The following PDE1C variants were observed in gnomAD, a reference collection of about 807,000 sequenced individuals.
The protein encoded by PDE1C is phosphodiesterase 1C.
In PDE1C, 62 loss-of-function variants were observed where a neutral mutation model predicts 93.1. The observed-to-expected ratio is 0.67, with a 90% CI of 0.54 to 0.82. The LOEUF (loss-of-function observed/expected upper bound fraction) is 0.82, where lower values mean the gene tolerates loss of function less well. Ranked by LOEUF, PDE1C falls within the 40% of genes least tolerant of loss-of-function variation. PDE1C has a pLI of 0.00. For missense variants in PDE1C, 742 were observed against 884.6 expected (o/e 0.84, Z 2.04); for synonymous variants, 325 against 310.1 (o/e 1.05, Z -0.50).
chr7:32,142,100 G>T (rs1213539871), intron 3 of PDE1C, among the ~76,000 whole-genome samples: 1 of 151,824 alleles, frequency 6.6e-6, no homozygotes, highest in Non-Finnish European at 1.5e-5. Flanking sequence ...AAGACAAAGA[G>T]AATAGGACAA....
chr7:31,644,734 T>A, the PDE1C span, among the ~76,000 whole-genome samples: 1 of 152,204 alleles, frequency 6.6e-6, no homozygotes, highest in South Asian at 2.1e-4. Flanking sequence ...AGAAATGATC[T>A]AGGCTTTCAG....
the PDE1C span, among the ~76,000 whole-genome samples, chr7:31,728,425 G>A: frequency 3.3e-5 from 5 of 152,082 alleles, no homozygotes; most frequent in African/African-American, 4.8e-5. Flanking sequence ...AGTCATTCCC[G>A]GCCAACCAAA....
chr7:31,998,055 T>C (rs1784962952), intron 2 of PDE1C, among the ~76,000 whole-genome samples: 1 of 152,054 alleles, frequency 6.6e-6, no homozygotes, highest in Non-Finnish European at 1.5e-5. Flanking sequence ...AGTCTCACTC[T>C]GTTGCCCAGG....
the PDE1C span, among the ~76,000 whole-genome samples, chr7:31,617,596 C>T: frequency 6.6e-6 from 1 of 152,024 alleles, no homozygotes; most frequent in Non-Finnish European, 1.5e-5. Context: ...CCATTAACAG[C>T]AGCTCTTTAG....
At position 31,940,246 on chromosome 7, in the gene PDE1C, C is replaced by T. The variant is rs569708615; in HGVS notation, c.129-59386G>A. Among the ~76,000 whole-genome samples, 7 of 152,248 alleles carry T rather than the reference C, an allele frequency of 4.6e-5. No homozygotes were observed. The East Asian group carries it at 1.2e-3, about 25-fold the overall frequency. ...CCACAATGTCTCCTTCTAGCCCTACCCAACCAAGCGGTATTGGAGGGGTGG... is the reference window on the plus strand; with the variant it reads ...CCACAATGTCTCCTTCTAGCCCTACTCAACCAAGCGGTATTGGAGGGGTGG... On this transcript the variant is annotated intron_variant, in intron 2 of 17. Transcript: ENST00000396191.
At chr7:31,657,354 G>A in the PDE1C span, among the ~76,000 whole-genome samples, 112,693 of 152,080 alleles carry the variant, frequency 0.74, 41,903 homozygotes, top group East Asian at 0.82. Flanking sequence ...GAGGAGTCCT[G>A]CTTCTGTCTG....
chr7:32,069,399 A>G (rs556157986), intron 1 of PDE1C, among the ~76,000 whole-genome samples: 1 of 152,224 alleles, frequency 6.6e-6, no homozygotes, highest in South Asian at 2.1e-4. Context: ...ATATTTTTAA[A>G]CCACACTAGA....
intron 2 of PDE1C, among the ~76,000 whole-genome samples, chr7:32,018,288 A>G (rs1028774109): frequency 6.6e-6 from 1 of 152,082 alleles, no homozygotes; most frequent in African/African-American, 2.4e-5. Context: ...GAGTTACCAC[A>G]TGACCCAGTA....
intron 1 of PDE1C, among the ~76,000 whole-genome samples, chr7:32,335,020 C>G (rs1409807119): frequency 6.6e-6 from 1 of 152,164 alleles, no homozygotes; most frequent in Non-Finnish European, 1.5e-5. Flanking sequence ...TCTCCTATCA[C>G]TGTTCTCTCC....
the PDE1C span, among the ~76,000 whole-genome samples, chr7:31,724,922 T>C: frequency 6.6e-6 from 1 of 152,188 alleles, no homozygotes; most frequent in Non-Finnish European, 1.5e-5. Context: ...GTGCCAAGTA[T>C]TGTTTTTGCT....
At chr7:32,417,301 G>A (rs1217155027) in intron 1 of PDE1C, among the ~76,000 whole-genome samples, 1 of 150,016 alleles carries the variant, frequency 6.7e-6, no homozygotes, top group Non-Finnish European at 1.5e-5. Flanking sequence ...TTTAACCAGT[G>A]ATAACTGCTT....
At chr7:31,756,086 C>T (rs1373088999) in intron 17 of PDE1C, among the ~76,000 whole-genome samples, 5 of 152,076 alleles carry the variant, frequency 3.3e-5, no homozygotes, top group South Asian at 2.1e-4. Flanking sequence ...GCAGGAGAAT[C>T]GCTTGAACCT....
the PDE1C span, among the ~76,000 whole-genome samples, chr7:31,701,769 G>A: frequency 1.3e-5 from 2 of 152,220 alleles, no homozygotes; most frequent in Non-Finnish European, 2.9e-5. Context: ...GCCTCTCTAA[G>A]ACTCAGTGAA....
rs138590047 is a variant in PDE1C at position 31,933,112 on chromosome 7, G to A, written c.129-52252C>T. 3.4e-3 allele frequency among the ~76,000 whole-genome samples: 519 copies of A among 152,106 alleles called. 1 individual carries two copies. Among genetic ancestry groups the A allele is most frequent in the African/African-American group, 0.012 (500 of 41,488 alleles). ...GAAAGCATTAGGACAAATACCTAAT[G>A]CATACAGGGCTTAAAACCTAGATGA... On this transcript the variant is annotated intron_variant, in intron 2 of 17. Transcript: ENST00000396191.
intron 1 of PDE1C, among the ~76,000 whole-genome samples, chr7:32,309,180 A>G (rs900517519): frequency 5.9e-5 from 9 of 152,226 alleles, no homozygotes; most frequent in African/African-American, 1.9e-4. Flanking sequence ...GAAATGAAGC[A>G]AGAAGGGAAG....
At chr7:31,953,801 A>G (rs1807740109) in intron 2 of PDE1C, among the ~76,000 whole-genome samples, 1 of 152,160 alleles carries the variant, frequency 6.6e-6, no homozygotes, top group Non-Finnish European at 1.5e-5. Context: ...CAGAAAAAGA[A>G]AGGAAAAAAG....
intron 1 of PDE1C, among the ~76,000 whole-genome samples, chr7:32,387,240 T>C (rs1310944709): frequency 6.6e-6 from 1 of 152,082 alleles, no homozygotes; most frequent in South Asian, 2.1e-4. Context: ...TTTTTCTTAG[T>C]ACAGAACAAA....
chr7:32,056,680 C>T lies in PDE1C; in HGVS notation c.102-5100G>A, dbSNP rs115536423. ...GCTGGGCATCCTGGAAATGCTCAAGCGTCAGCTACTGTACTAAAAACAGTA... is the reference window on the plus strand; with the variant it reads ...GCTGGGCATCCTGGAAATGCTCAAGTGTCAGCTACTGTACTAAAAACAGTA... On this transcript the variant is annotated intron_variant, in intron 1 of 17. Coordinates refer to ENST00000396191, the MANE Select transcript of PDE1C (RefSeq NM_001191057.4). 4.5e-3 allele frequency among the ~76,000 whole-genome samples: 680 copies of T among 152,170 alleles called. 7 individuals are homozygous for T. The highest frequency in any genetic ancestry group is 0.015 in the African/African-American group (626 of 41,510).
chr7:32,077,571 TATTTA>T (rs776746240), intron 3 of PDE1C, among the ~76,000 whole-genome samples: 3 of 152,112 alleles, frequency 2.0e-5, no homozygotes, highest in Non-Finnish European at 4.4e-5. Flanking sequence ...TAATTTATTT[TATTTA>T]TTTATTTTTT....
Sources: allele counts gnomAD v4.1 joint callset (sites outside exome capture counted in the v4.1 genomes callset), GRCh38; gene constraint gnomAD v4.1.1; transcripts MANE v1.5; gene names NCBI Gene and HGNC (gene_info 2026-07-23, HGNC 2026-07-21).